The following C1orf87 variants were observed in gnomAD, a reference collection of about 807,000 sequenced individuals.
C1orf87 encodes uncharacterized protein C1orf87.
A neutral mutation model predicts 60.5 loss-of-function variants in C1orf87; 58 were observed. The observed-to-expected ratio is 0.96, with a 90% CI of 0.78 to 1.19. The LOEUF is 1.19. Ranked by LOEUF, C1orf87 falls within the 50% of genes most tolerant of loss-of-function variation. C1orf87 has a pLI of 0.00. For synonymous variants in C1orf87, 236 were observed against 227.4 expected (o/e 1.04, Z -0.34); for missense variants, 673 against 638.6 (o/e 1.05, Z -0.58).
chr1:60,050,827 T>C (rs555028215), intron 3 of C1orf87, among the ~76,000 whole-genome samples: 2 of 152,300 alleles, frequency 1.3e-5, no homozygotes, highest in African/African-American at 4.8e-5. Context: ...ACAATTCTTA[T>C]TCTCAGTGGT....
At position 60,064,940 on chromosome 1, in the gene C1orf87, AAT is replaced by A. The variant is rs1351863528; in HGVS notation, c.107+7595_107+7596del. Among the ~76,000 whole-genome samples the A allele has an allele frequency of 3.0e-5, 3 of 101,638 alleles. No homozygotes were observed. The East Asian group carries it at 7.3e-4, about 25-fold the overall frequency. 66.7% of individuals were successfully genotyped at this position (101,638 alleles called of 152,430 possible). A position where few individuals can be genotyped will look rare whatever the true frequency, so the allele number is the denominator to read the frequency against. On this transcript the variant is annotated intron_variant, in intron 2 of 11. Coordinates refer to ENST00000371201, the MANE Select transcript of C1orf87 (RefSeq NM_152377.3). ...TTATATTATATAATATATAATATAA[AAT>A]ATATAATAAATATATAATATATAAA...
intron 7 of C1orf87, among the ~76,000 whole-genome samples, chr1:60,033,138 G>C (rs1645250968): frequency 6.6e-6 from 1 of 152,160 alleles, no homozygotes; most frequent in African/African-American, 2.4e-5. Context: ...ACCACATGCT[G>C]TTCTCATTGG....
intron 1 of C1orf87, 24 bp from the exon 2 acceptor site, chr1:60,072,694 G>A (rs142648888): frequency 7.6e-7 from 1 of 1,307,222 alleles, no homozygotes; most frequent in African/African-American, 1.5e-5. Context: ...TAAGTAAATT[G>A]TTCCTCTTGA....
intron 11 of C1orf87, among the ~76,000 whole-genome samples, chr1:59,991,298 T>C (rs940404482): frequency 2.0e-5 from 3 of 152,214 alleles, no homozygotes; most frequent in Non-Finnish European, 4.4e-5. Context: ...TGTTCTTTGG[T>C]ATCTGCAGGG....
At chr1:60,040,740 C>T (rs1210966978) in intron 4 of C1orf87, among the ~76,000 whole-genome samples, 5 of 149,914 alleles carry the variant, frequency 3.3e-5, no homozygotes, top group Non-Finnish European at 7.4e-5. Flanking sequence ...TTTGTCTATT[C>T]TCAGACTGTC....
rs560773421 is a variant in C1orf87 at position 59,990,923 on chromosome 1, T to C, written c.1481-90A>G. ...TATATTAGCTTGAATGACTTCCAGG[T>C]AAAGACTAAATGCTAATACTTTGCA... On this transcript the variant is annotated intron_variant, in intron 11 of 11. Coordinates refer to ENST00000371201, the MANE Select transcript of C1orf87 (RefSeq NM_152377.3). 9 of 1,307,856 alleles carry C rather than the reference T, an allele frequency of 6.9e-6. No individual in the cohort carries two copies. In the African/African-American group the frequency reaches 7.4e-5, roughly 11 times the overall value. 81.0% of individuals were successfully genotyped at this position (1,307,856 alleles called of 1,614,324 possible).
intron 6 of C1orf87, among the ~76,000 whole-genome samples, chr1:60,037,655 T>A (rs1645287430): frequency 6.6e-6 from 1 of 152,240 alleles, no homozygotes; most frequent in African/African-American, 2.4e-5. Flanking sequence ...CTCCCAGGGC[T>A]GTTGTTGCAT....
intron 3 of C1orf87, among the ~76,000 whole-genome samples, chr1:60,051,725 G>T (rs976793502): frequency 3.3e-5 from 5 of 152,208 alleles, no homozygotes; most frequent in African/African-American, 1.2e-4. Flanking sequence ...GTTTGAAGAT[G>T]ATTAAAATCT....
intron 3 of C1orf87, among the ~76,000 whole-genome samples, chr1:60,044,997 A>G (rs116124406): frequency 2.0e-3 from 310 of 152,346 alleles, no homozygotes; most frequent in African/African-American, 6.7e-3. Context: ...AAGAGTTGGA[A>G]ATGTAAACAA....
chr1:60,073,442 G>C (rs559424408), intron 1 of C1orf87, among the ~76,000 whole-genome samples: 2 of 152,290 alleles, frequency 1.3e-5, no homozygotes, highest in South Asian at 4.1e-4. Flanking sequence ...TATTTGACAA[G>C]GGTCACAGAG....
At chr1:60,035,047 C>A (rs906873455) in intron 6 of C1orf87, among the ~76,000 whole-genome samples, 2 of 151,982 alleles carry the variant, frequency 1.3e-5, no homozygotes, top group African/African-American at 2.4e-5. Flanking sequence ...ATAGTGGGCA[C>A]GTGCATTTAT....
chr1:60,018,691 C>A lies in C1orf87; in HGVS notation c.1127+6710G>T, dbSNP rs369313950. Among the ~76,000 whole-genome samples the A allele has an allele frequency of 9.2e-4, 140 of 152,272 alleles. 3 individuals carry two copies. The South Asian group carries it at 0.017, about 19-fold the overall frequency. On this transcript the variant is annotated intron_variant, in intron 8 of 11. Transcript: ENST00000371201. ...TTTCTGCATTTCCAGCTTAACCACA[C>A]CTCTCGCCTTCATCCAACCACCCCC...
chr1:60,038,413 T>C (rs1645294395), intron 5 of C1orf87, among the ~76,000 whole-genome samples: 2 of 152,108 alleles, frequency 1.3e-5, no homozygotes, highest in South Asian at 4.2e-4. Flanking sequence ...CAGGACTCTT[T>C]TTCCCCTTCT....
At chr1:59,996,110 T>A (rs768300504) in intron 11 of C1orf87, among the ~76,000 whole-genome samples, 2 of 152,180 alleles carry the variant, frequency 1.3e-5, no homozygotes. Context: ...GGATTTTGTA[T>A]GGCAATTATA....
At chr1:60,029,986 A>G (rs1645225970) in intron 7 of C1orf87, among the ~76,000 whole-genome samples, 1 of 152,032 alleles carries the variant, frequency 6.6e-6, no homozygotes, top group African/African-American at 2.4e-5. Context: ...TCTAAGATTC[A>G]GTGTTTACAT....
At chr1:60,009,344 C>G (rs964959155) in intron 9 of C1orf87, among the ~76,000 whole-genome samples, 1 of 51,538 alleles carries the variant, frequency 1.9e-5, no homozygotes, top group Non-Finnish European at 5.5e-5. Context: ...AAGAACTCTT[C>G]TCTAGAGTGT....
At chr1:59,998,997 A>T (rs768773767) in intron 10 of C1orf87, among the ~76,000 whole-genome samples, 4 of 152,148 alleles carry the variant, frequency 2.6e-5, no homozygotes, top group African/African-American at 4.8e-5. Flanking sequence ...TTAATTCACC[A>T]TAAAATTATG....
chr1:60,010,910 A>G (rs765154798), intron 8 of C1orf87: 2 of 98,480 alleles, frequency 2.0e-5, no homozygotes, highest in South Asian at 2.8e-4. Context: ...AAATAAATAA[A>G]TAAAAACTGT....
intron 10 of C1orf87, among the ~76,000 whole-genome samples, chr1:59,999,940 C>A (rs1266077849): frequency 6.6e-6 from 1 of 152,098 alleles, no homozygotes; most frequent in Non-Finnish European, 1.5e-5. Context: ...GGACGCCTTC[C>A]CCAACAGCGC....
Sources: allele counts gnomAD v4.1 joint callset (sites outside exome capture counted in the v4.1 genomes callset), GRCh38; gene constraint gnomAD v4.1.1; transcripts MANE v1.5; gene names NCBI Gene and HGNC (gene_info 2026-07-23, HGNC 2026-07-21).